The following LEO1 variants were observed in gnomAD, a reference collection of about 807,000 sequenced individuals.
The protein encoded by LEO1 is RNA polymerase-associated protein LEO1.
In LEO1, 34 loss-of-function variants were observed where a neutral mutation model predicts 80.4. That is an observed-to-expected ratio of 0.42 (90% confidence interval 0.32 to 0.56). The LOEUF is 0.56. Ranked by LOEUF, LEO1 falls within the 20% of genes least tolerant of loss-of-function variation. The pLI is 0.10. For missense variants in LEO1, 631 were observed against 814.2 expected, an observed-to-expected ratio of 0.77 and a Z score of 2.74; for synonymous variants, 262 against 274.9, an observed-to-expected ratio of 0.95 and a Z score of 0.46.
At position 51,953,143 on chromosome 15, in the gene LEO1, C is replaced by T. The variant is rs1245717933; in HGVS notation, c.1461G>A (p.Thr487=). 1.4e-5 allele frequency: 23 copies of T among 1,611,214 alleles called. No individual in the cohort carries two copies. The highest frequency in any genetic ancestry group is 1.1e-4 in the East Asian group (5 of 44,874). ...TGLQGQAVFK[T]KLTFRPHSTD... ...ATAACAGTTACCTGAAGGTGAGTTTCGTTTTAAAGACTGCTTGTCCCTGTA... is the reference window on the plus strand; with the variant it reads ...ATAACAGTTACCTGAAGGTGAGTTTTGTTTTAAAGACTGCTTGTCCCTGTA... The change falls in exon 8 of 12, where the codon ACG becomes ACA. Residue 487 remains threonine (T), a synonymous_variant. Coordinates refer to ENST00000299601, the MANE Select transcript of LEO1 (RefSeq NM_138792.4).
chr15:51,962,996 G>A (rs1411507398), intron 2 of LEO1, among the ~76,000 whole-genome samples: 1 of 151,818 alleles, frequency 6.6e-6, no homozygotes, highest in Admixed American at 6.6e-5. Flanking sequence ...AAATACTGGT[G>A]CCAGTTGTGG....
intron 2 of LEO1, among the ~76,000 whole-genome samples, chr15:51,964,565 C>A (rs1001970639): frequency 8.2e-6 from 1 of 121,562 alleles, no homozygotes; most frequent in African/African-American, 2.8e-5. Flanking sequence ...AAAAAAAAAC[C>A]TCTACTCTGA....
chr15:51,969,806 A>G (rs1261535739), intron 1 of LEO1, among the ~76,000 whole-genome samples: 2 of 144,304 alleles, frequency 1.4e-5, no homozygotes, highest in Non-Finnish European at 3.0e-5. Flanking sequence ...GTACCACTGC[A>G]CTGCAGCCTG....
At chr15:51,960,886 G>T (rs759497310) in intron 3 of LEO1, among the ~76,000 whole-genome samples, 153 bp from the exon 4 acceptor site, 4 of 152,180 alleles carry the variant, frequency 2.6e-5, no homozygotes, top group Non-Finnish European at 5.9e-5. Flanking sequence ...GACCCAACCA[G>T]AGAGTGTGGG....
At position 51,938,115 on chromosome 15, in the gene LEO1, CTG is replaced by C. The variant is rs766507060; in HGVS notation, c.*39_*40del. The stretch of plus-strand genomic sequence containing the variant: ...ATAACTCATGTTTACATATTTATAA[CTG>C]TACAATAAAATATATAAAATGTTTT... On this transcript the variant is annotated 3_prime_UTR_variant, in exon 12 of 12. Transcript: ENST00000299601. 18 of 999,640 alleles carry C rather than the reference CTG, an allele frequency of 1.8e-5. No individual in the cohort carries two copies. Among genetic ancestry groups the C allele is most frequent in the Non-Finnish European group, 2.7e-5 (18 of 657,444 alleles). The allele number at this position is 999,640 out of a possible 1,614,324, so 61.9% of individuals were successfully genotyped here.
chr15:51,961,554 C>T lies in LEO1; in HGVS notation c.920-821G>A, dbSNP rs116282577. Among the ~76,000 whole-genome samples the T allele has an allele frequency of 3.8e-3, 573 of 151,914 alleles. 5 individuals are homozygous for T. The highest frequency in any genetic ancestry group is 0.013 in the African/African-American group (551 of 41,454). On this transcript the variant is annotated intron_variant, in intron 3 of 11. Transcript: ENST00000299601. ...ACTACAGATGCACACCACCTCGCCC[C>T]GCTAATGTTTTGTATTTTTAGTACA...
chr15:51,953,395 G>C (rs1341325032), intron 7 of LEO1, 132 bp from the exon 8 acceptor site: 8 of 811,414 alleles, frequency 9.9e-6, no homozygotes, highest in Non-Finnish European at 1.5e-5. Flanking sequence ...CACCAAGGCA[G>C]GTGGATCACG....
intron 4 of LEO1, 100 bp downstream of exon 4, chr15:51,960,539 G>C (rs2057021709): frequency 1.4e-6 from 1 of 699,504 alleles, no homozygotes; most frequent in Non-Finnish European, 2.6e-6. Context: ...TTTCATACTA[G>C]AATTCAGTTA....
chr15:51,949,417 G>A (rs753620313), intron 10 of LEO1, among the ~76,000 whole-genome samples: 7 of 151,988 alleles, frequency 4.6e-5, no homozygotes, highest in East Asian at 1.9e-4. Context: ...TAAAATGTCC[G>A]GGCTAGGCAC....
intron 10 of LEO1, among the ~76,000 whole-genome samples, 190 bp from the exon 11 acceptor site, chr15:51,947,579 C>T (rs1343724026): frequency 6.6e-6 from 1 of 152,068 alleles, no homozygotes; most frequent in Non-Finnish European, 1.5e-5. Context: ...CCTACCCATG[C>T]CCAGCTGATT....
At chr15:51,961,281 G>C (rs1242297226) in intron 3 of LEO1, among the ~76,000 whole-genome samples, 1 of 151,872 alleles carries the variant, frequency 6.6e-6, no homozygotes, top group Non-Finnish European at 1.5e-5. Context: ...TACTTGGGAG[G>C]CTGAGGCAGG....
intron 5 of LEO1, 31 bp downstream of exon 5, chr15:51,959,868 A>T (rs1179993857): frequency 7.2e-6 from 11 of 1,537,564 alleles, no homozygotes; most frequent in South Asian, 1.3e-5. Context: ...TCTACTCAAC[A>T]TCCTGAAAAA....
chr15:51,948,854 A>G (rs1158923557), intron 10 of LEO1, among the ~76,000 whole-genome samples: 2 of 152,056 alleles, frequency 1.3e-5, no homozygotes, highest in Admixed American at 1.3e-4. Context: ...GCTTGGGGGA[A>G]CCCCTGGGTA....
At chr15:51,957,929 G>A (rs1371771096) in intron 6 of LEO1, among the ~76,000 whole-genome samples, 1 of 152,120 alleles carries the variant, frequency 6.6e-6, no homozygotes, top group Non-Finnish European at 1.5e-5. Context: ...GCTGAGGCAG[G>A]AGAATCACTT....
intron 7 of LEO1, among the ~76,000 whole-genome samples, chr15:51,954,252 T>A (rs1026619327): frequency 6.7e-6 from 1 of 148,158 alleles, no homozygotes; most frequent in African/African-American, 2.5e-5. Flanking sequence ...CCATGCAGGG[T>A]GGTGCACACC....
Position 51,966,300 on chromosome 15 carries a change from G to C in LEO1, c.263C>G (p.Ser88Ter). Reference protein sequence around the residue: ...DNHSERSDNRSEASERSDHED... With the variant: ...DNHSERSDNR ...ATGGTCAGAACGCTCAGAAGCTTCT[G>C]ATCTATTGTCTGATCTTTCAGAGTG... The change falls in exon 2 of 12, where the codon TCA (serine) becomes TGA (stop). Residue 88 changes from serine (S) to a stop codon, truncating the protein, a stop_gained. Coordinates refer to ENST00000299601, the MANE Select transcript of LEO1 (RefSeq NM_138792.4). LOFTEE classifies it high-confidence loss of function. The C allele has an allele frequency of 6.2e-7, 1 of 1,614,118 alleles. No homozygotes were observed.
chr15:51,949,641 A>C (rs1428598702), intron 10 of LEO1, among the ~76,000 whole-genome samples, 167 bp downstream of exon 10: 5 of 149,992 alleles, frequency 3.3e-5, no homozygotes, highest in African/African-American at 1.2e-4. Context: ...CAGAGGTTGC[A>C]GTGAGCCGAG....
At chr15:51,939,220 TAAATG>T (rs2056827035) in intron 11 of LEO1, among the ~76,000 whole-genome samples, 1 of 152,046 alleles carries the variant, frequency 6.6e-6, no homozygotes, top group African/African-American at 2.4e-5. Flanking sequence ...AATTAAAAAT[TAAATG>T]GGATGAACAA....
chr15:51,947,183 C>T (rs2414122), intron 11 of LEO1, 109 bp downstream of exon 11: 12 of 755,292 alleles, frequency 1.6e-5, no homozygotes, highest in East Asian at 4.9e-5. Context: ...ATTTCAGTGA[C>T]GTGTGTAGAC....
Sources: allele counts gnomAD v4.1 joint callset (sites outside exome capture counted in the v4.1 genomes callset), GRCh38; gene constraint gnomAD v4.1.1; transcripts MANE v1.5; gene names NCBI Gene and HGNC (gene_info 2026-07-23, HGNC 2026-07-21).